ATP6V0E1: variants seen among roughly 807,000 people sequenced by gnomAD.
The protein encoded by ATP6V0E1 is ATPase H+ transporting V0 subunit e1.
A neutral mutation model predicts 11.6 loss-of-function variants in ATP6V0E1; 4 were observed. That is an observed-to-expected ratio of 0.35 (90% CI 0.17 to 0.79). The LOEUF (loss-of-function observed/expected upper bound fraction) is 0.79. ATP6V0E1 is among the 30% of genes least tolerant of loss of function. The probability of loss-of-function intolerance (pLI) is 0.54; values close to 1 mark genes in which losing one functional copy is unlikely to be tolerated. For missense variants in ATP6V0E1, 105 were observed against 100.0 expected, an observed-to-expected ratio of 1.05 and a Z score of -0.21; for synonymous variants, 36 against 34.8, an observed-to-expected ratio of 1.04 and a Z score of -0.13.
intron 2 of ATP6V0E1, among the ~76,000 whole-genome samples, chr5:173,013,114 C>T (rs1756353492): frequency 6.6e-6 from 1 of 151,936 alleles, no homozygotes; most frequent in African/African-American, 2.4e-5. Context: ...CCTGGGAGAT[C>T]AAGGCTGCAA....
At chr5:172,984,076 C>G in intron 1 of ATP6V0E1, 112 bp downstream of exon 1, 3 of 1,045,380 alleles carry the variant, frequency 2.9e-6, no homozygotes, top group Non-Finnish European at 4.4e-6. Context: ...GGGCGCCCCC[C>G]GCGCTGCAGA....
intron 2 of ATP6V0E1, among the ~76,000 whole-genome samples, chr5:173,018,986 C>T (rs1243536348): frequency 6.6e-6 from 1 of 152,076 alleles, no homozygotes; most frequent in Non-Finnish European, 1.5e-5. Flanking sequence ...GACAGGGTCT[C>T]ACTCTGTTGC....
rs143478329 is a variant in ATP6V0E1 at position 172,989,855 on chromosome 5, A to T, written c.105-4920A>T. Reference sequence around the variant, plus strand: ...AGATTTTTTAAAATTTATTTCTTAAAACAGGGTCTTACTCTGTTGCCCAGG... The same window carrying T: ...AGATTTTTTAAAATTTATTTCTTAATACAGGGTCTTACTCTGTTGCCCAGG... On this transcript the variant is annotated intron_variant, in intron 1 of 3. Transcript: ENST00000519374. 5.3e-3 allele frequency among the ~76,000 whole-genome samples: 795 copies of T among 150,138 alleles called. 10 individuals are homozygous for T. Among genetic ancestry groups the T allele is most frequent in the African/African-American group, 0.018 (742 of 40,724 alleles).
At position 172,983,964 on chromosome 5, in the gene ATP6V0E1, G is replaced by C; in HGVS notation, c.104G>C (p.Gly35Ala). The change falls in exon 1 of 4, where the codon GGA becomes GCA. Residue 35 changes from glycine (G) to alanine (A), a missense_variant and splice_region_variant. By Grantham distance (60) the Gly-to-Ala change is moderately conservative. Transcript: ENST00000519374. ...TTCATCCCTAAGGGTCCTAACCGGG[G>C]GTAAGTGCGTGAGGCCCGCCTTGGG... ...PWFIPKGPNR[G>A]VIITMLVTCS... The C allele has an allele frequency of 6.2e-7, 1 of 1,612,416 alleles. No individual in the cohort carries two copies.
chr5:173,015,879 A>C (rs1360001038), intron 2 of ATP6V0E1, among the ~76,000 whole-genome samples: 9 of 152,088 alleles, frequency 5.9e-5, no homozygotes. Context: ...GATGTGTGCC[A>C]CCATGCCCAG....
chr5:172,992,082 G>A (rs551652450), intron 1 of ATP6V0E1, among the ~76,000 whole-genome samples: 11 of 147,518 alleles, frequency 7.5e-5, no homozygotes, highest in Non-Finnish European at 1.3e-4. Flanking sequence ...ACGGAGTCTC[G>A]CTCTGTCGCC....
chr5:173,020,761 TC>T (rs762569921), intron 3 of ATP6V0E1: 2 of 519,228 alleles, frequency 3.9e-6, no homozygotes, highest in Non-Finnish European at 7.7e-6. Context: ...ACAGAACCGT[TC>T]CTGTGATGGT....
intron 1 of ATP6V0E1, among the ~76,000 whole-genome samples, chr5:172,992,028 T>C (rs915322883): frequency 6.9e-6 from 1 of 144,332 alleles, no homozygotes; most frequent in Non-Finnish European, 1.5e-5. Flanking sequence ...CTGTCTTTCT[T>C]TCTCTCTCTC....
At chr5:173,013,834 C>T (rs1756366315) in intron 2 of ATP6V0E1, among the ~76,000 whole-genome samples, 2 of 152,122 alleles carry the variant, frequency 1.3e-5, no homozygotes, top group Non-Finnish European at 1.5e-5. Flanking sequence ...TATCATCTCA[C>T]TCCAGTTAGA....
chr5:173,024,041 A>C (rs901977956), intron 3 of ATP6V0E1, among the ~76,000 whole-genome samples: 1 of 150,054 alleles, frequency 6.7e-6, no homozygotes, highest in South Asian at 2.1e-4. Flanking sequence ...CTAACAATAC[A>C]AAAAAAATTA....
chr5:173,025,143 CT>C (rs539174415), intron 3 of ATP6V0E1, among the ~76,000 whole-genome samples: 31,069 of 103,176 alleles, frequency 0.3, 5,082 homozygotes, highest in African/African-American at 0.51. Flanking sequence ...GCCTGGCATT[CT>C]TTTTTTTTTT....
At chr5:173,005,437 C>G (rs1411162485) in intron 2 of ATP6V0E1, among the ~76,000 whole-genome samples, 1 of 152,196 alleles carries the variant, frequency 6.6e-6, no homozygotes, top group Non-Finnish European at 1.5e-5. Context: ...TGGTCTCGAT[C>G]TCCTGGGCTC....
intron 2 of ATP6V0E1, among the ~76,000 whole-genome samples, chr5:173,012,756 A>G (rs1390469114): frequency 1.4e-5 from 2 of 142,072 alleles, no homozygotes; most frequent in East Asian, 3.9e-4. Flanking sequence ...CTCCATCTCA[A>G]AAAAAAAAAA....
Position 173,010,020 on chromosome 5 carries a change from C to T in ATP6V0E1, c.153-10218C>T, listed in dbSNP as rs548093426. The stretch of plus-strand genomic sequence containing the variant: ...CTCGTGATCTGCCTGCCTTGGCCTC[C>T]CAAAGTGCTGGAATTACAGGCGCGA... On this transcript the variant is annotated intron_variant, in intron 2 of 3. Coordinates refer to ENST00000519374, the MANE Select transcript of ATP6V0E1 (RefSeq NM_003945.4). 2.6e-5 allele frequency among the ~76,000 whole-genome samples: 4 copies of T among 152,276 alleles called. No individual in the cohort carries two copies. In the South Asian group the frequency reaches 8.3e-4, roughly 32 times the overall value.
chr5:173,017,168 G>A (rs1180215474), intron 2 of ATP6V0E1, among the ~76,000 whole-genome samples: 10 of 152,262 alleles, frequency 6.6e-5, no homozygotes, highest in South Asian at 2.1e-4. Flanking sequence ...CTAGTTCCCC[G>A]CTTATAGGGA....
At chr5:172,998,936 C>T (rs1342093358) in intron 2 of ATP6V0E1, among the ~76,000 whole-genome samples, 3 of 151,906 alleles carry the variant, frequency 2.0e-5, no homozygotes, top group Non-Finnish European at 4.4e-5. Context: ...GTCAGGAGTT[C>T]GAAACTCCTG....
chr5:173,020,774 T>C (rs1462084229), intron 3 of ATP6V0E1: 1 of 519,358 alleles, frequency 1.9e-6, no homozygotes, highest in Non-Finnish European at 3.8e-6. Flanking sequence ...TGTGATGGTG[T>C]TACACTGCTG....
chr5:172,994,757 ATTTTT>A lies in ATP6V0E1; in HGVS notation c.105-7_105-3del. On this transcript the variant is annotated splice_polypyrimidine_tract_variant and intron_variant, in intron 1 of 3. Transcript: ENST00000519374. ...TTGCTAGTTATTTAATGACATTTGC[ATTTTT>A]TTTTTTTTTTAGAGTTATCATTACC... is the stretch of plus-strand genomic sequence containing the variant. 7.2e-7 allele frequency: 1 copy of A among 1,397,870 alleles called. No homozygotes were observed. Among genetic ancestry groups the A allele is most frequent in the Admixed American group, 2.3e-5 (1 of 44,042 alleles). 86.6% of individuals were successfully genotyped at this position (1,397,870 alleles called of 1,614,324 possible).
intron 3 of ATP6V0E1, among the ~76,000 whole-genome samples, chr5:173,021,144 G>A (rs1375736593): frequency 1.3e-5 from 2 of 152,064 alleles, no homozygotes; most frequent in African/African-American, 2.4e-5. Flanking sequence ...GGGCAGCCGT[G>A]TCATATGGCC....
Sources: gnomAD v4.1 joint callset for allele counts (sites outside exome capture counted in the v4.1 genomes callset) on GRCh38, gnomAD v4.1.1 for gene constraint, MANE v1.5 for transcripts, NCBI Gene and HGNC (gene_info 2026-07-23, HGNC 2026-07-21) for gene names.